The following ERMP1 variants were observed in gnomAD, a reference collection of about 807,000 sequenced individuals.
ERMP1 encodes the protein Felix-ina.
Under a neutral mutation model 92.0 loss-of-function variants are expected in ERMP1, and 86 were observed. The ratio of observed to expected loss-of-function variants is 0.93; its 90% confidence interval spans 0.79 to 1.12. The LOEUF is 1.12. ERMP1 is among the 50% of genes most tolerant of loss of function. The pLI is 0.00. For synonymous variants in ERMP1, 530 were observed against 412.8 expected (o/e 1.28, Z -3.44); for missense variants, 1,342 against 1,116.3 (o/e 1.20, Z -2.88).
At chr9:5,800,126 C>G (rs933593924) in intron 11 of ERMP1, among the ~76,000 whole-genome samples, 3 of 152,102 alleles carry the variant, frequency 2.0e-5, no homozygotes, top group Admixed American at 1.3e-4. Context: ...TATCTTGAAG[C>G]AGGATCTTTC....
chr9:5,825,595 A>T (rs1244413136), intron 2 of ERMP1, among the ~76,000 whole-genome samples: 1 of 152,114 alleles, frequency 6.6e-6, no homozygotes, highest in Non-Finnish European at 1.5e-5. Context: ...TAATAGTCTC[A>T]CTTCTGGTGC....
At chr9:5,823,378 C>G (rs925208930) in intron 4 of ERMP1, among the ~76,000 whole-genome samples, 3 of 152,172 alleles carry the variant, frequency 2.0e-5, no homozygotes, top group African/African-American at 7.2e-5. Flanking sequence ...GTTACATACA[C>G]TACAGGTAAA....
At chr9:5,863,416 C>T (rs867862582) in intron 5 of ERMP1, among the ~76,000 whole-genome samples, 2 of 152,150 alleles carry the variant, frequency 1.3e-5, no homozygotes, top group African/African-American at 4.8e-5. Context: ...TTACTCCTTG[C>T]ATCAAGGCTA....
chr9:5,862,381 G>A (rs1441450991), intron 5 of ERMP1, among the ~76,000 whole-genome samples: 1 of 151,554 alleles, frequency 6.6e-6, no homozygotes, highest in Non-Finnish European at 1.5e-5. Flanking sequence ...CATCCACACT[G>A]GAGTGCAGTG....
At chr9:5,817,808 C>T (rs1829377304) in intron 4 of ERMP1, among the ~76,000 whole-genome samples, 1 of 151,880 alleles carries the variant, frequency 6.6e-6, no homozygotes, top group Non-Finnish European at 1.5e-5. Flanking sequence ...CATCCTTCCA[C>T]TGCTTTACTT....
chr9:5,805,408 A>C (rs555324547), intron 9 of ERMP1, among the ~76,000 whole-genome samples, 191 bp from the exon 10 acceptor site: 2 of 152,306 alleles, frequency 1.3e-5, no homozygotes, highest in South Asian at 4.1e-4. Context: ...AAAGCAAAAT[A>C]CACAAGTAAT....
intron 5 of ERMP1, among the ~76,000 whole-genome samples, chr9:5,864,808 C>A (rs1391898106): frequency 6.6e-6 from 1 of 152,144 alleles, no homozygotes; most frequent in Non-Finnish European, 1.5e-5. Flanking sequence ...TTGCAGAGTT[C>A]TTTGCAACTA....
chr9:5,850,869 C>G (rs1830300721), intron 6 of ERMP1, among the ~76,000 whole-genome samples: 1 of 152,168 alleles, frequency 6.6e-6, no homozygotes. Context: ...AGCTTGCAAG[C>G]TCTGAGGAGG....
rs754585284 is a variant in ERMP1 at position 5,787,516 on chromosome 9, G to A, written c.2464C>T (p.Pro822Ser). ...TAGTCTCCTCCTTTACTTGTGACTGGGGTGCCATTGCCAAGAGACCACTGA... is the reference window on the plus strand; with the variant it reads ...TAGTCTCCTCCTTTACTTGTGACTGAGGTGCCATTGCCAAGAGACCACTGA... Reference protein sequence around the residue: ...LSQWSLGNGTPVTSKGGDYFV... With the variant: ...LSQWSLGNGTSVTSKGGDYFV... Residue 822 changes from proline (P) to serine (S), a missense_variant, in exon 14 of 15, where the codon CCA (proline) becomes TCA (serine). Physicochemically the swap from Pro to Ser is moderately conservative, Grantham distance 74. Transcript: ENST00000339450. 1 of 1,614,108 alleles carries A rather than the reference G, an allele frequency of 6.2e-7. No individual in the cohort carries two copies. Among genetic ancestry groups the A allele is most frequent in the South Asian group, 1.1e-5 (1 of 91,066 alleles).
intron 3 of ERMP1, 26 bp from the exon 4 acceptor site, chr9:5,824,027 T>C: frequency 6.4e-7 from 1 of 1,558,364 alleles, no homozygotes; most frequent in Non-Finnish European, 8.8e-7. Context: ...AGAAAACAAA[T>C]ATTTGTTAAA....
chr9:5,842,309 T>C (rs1382058223), intron 6 of ERMP1, among the ~76,000 whole-genome samples: 1 of 151,982 alleles, frequency 6.6e-6, no homozygotes, highest in Non-Finnish European at 1.5e-5. Flanking sequence ...GAGCACTGGT[T>C]GGTGTGTTTA....
At chr9:5,789,691 G>C (rs1828092718) in intron 13 of ERMP1, among the ~76,000 whole-genome samples, 1 of 152,066 alleles carries the variant, frequency 6.6e-6, no homozygotes, top group Admixed American at 6.5e-5. Flanking sequence ...GTCGAGTGCA[G>C]TGGCGTGAAC....
At position 5,811,192 on chromosome 9, in the gene ERMP1, T is replaced by C; in HGVS notation, c.1246A>G (p.Ile416Val). The C allele has an allele frequency of 6.2e-7, 1 of 1,613,940 alleles. No homozygotes were observed. Among genetic ancestry groups the C allele is most frequent in the Non-Finnish European group, 8.5e-7 (1 of 1,179,966 alleles). Reference protein sequence around the residue: ...GLFVIAYPSRIGSIINYMVVM... With the variant: ...GLFVIAYPSRVGSIINYMVVM... ...ACCATGTAGTTTATGATTGAGCCAA[T>C]ACGAGAGGGGTAGGCAATGACAAAC... The change falls in exon 7 of 15, where the codon ATT becomes GTT. Residue 416 changes from isoleucine (I) to valine (V), a missense_variant. Transcript: ENST00000339450.
intron 11 of ERMP1, among the ~76,000 whole-genome samples, chr9:5,799,473 A>T (rs1001631590): frequency 6.6e-6 from 1 of 152,196 alleles, no homozygotes; most frequent in Non-Finnish European, 1.5e-5. Flanking sequence ...GCTCCATTTG[A>T]AATAACTTTA....
intron 6 of ERMP1, among the ~76,000 whole-genome samples, chr9:5,853,637 C>T (rs893317168): frequency 5.9e-5 from 9 of 151,868 alleles, no homozygotes; most frequent in Non-Finnish European, 1.2e-4. Context: ...GAGAGCCTGG[C>T]AAGGGTCCTA....
chr9:5,859,804 G>T (rs187840104), intron 5 of ERMP1, among the ~76,000 whole-genome samples: 6 of 152,244 alleles, frequency 3.9e-5, no homozygotes, highest in African/African-American at 1.4e-4. Context: ...CTGAGTGACT[G>T]CTATTCCTCA....
intron 6 of ERMP1, among the ~76,000 whole-genome samples, chr9:5,840,697 A>C (rs1830152938): frequency 6.6e-6 from 1 of 152,210 alleles, no homozygotes; most frequent in Admixed American, 6.5e-5. Context: ...CGAATGACTT[A>C]ATTTTGTTAT....
chr9:5,797,686 G>T, intron 13 of ERMP1, 131 bp downstream of exon 13: 2 of 634,436 alleles, frequency 3.2e-6, no homozygotes, highest in African/African-American at 1.9e-5. Context: ...AGCTTCAATT[G>T]ATTTTAGAAA....
At chr9:5,852,720 A>AT (rs571000131) in intron 6 of ERMP1, among the ~76,000 whole-genome samples, 2 of 152,050 alleles carry the variant, frequency 1.3e-5, no homozygotes, top group South Asian at 4.1e-4. Context: ...ATAGCTATCT[A>AT]TTTTTTTAAC....
Sources: allele counts gnomAD v4.1 joint callset (sites outside exome capture counted in the v4.1 genomes callset), GRCh38; gene constraint gnomAD v4.1.1; transcripts MANE v1.5; gene names NCBI Gene and HGNC (gene_info 2026-07-23, HGNC 2026-07-21).